Variants in ECT2 observed in about 807,000 individuals in gnomAD.
ECT2 encodes the protein epithelial cell transforming 2.
A neutral mutation model predicts 116.9 loss-of-function variants in ECT2; 61 were observed. That is an observed-to-expected ratio of 0.52 (90% CI 0.42 to 0.65). ECT2 has a LOEUF of 0.65. Among genes scored for constraint, ECT2 ranks in the 30% least tolerant of loss-of-function variants. ECT2 has a pLI of 0.00. For synonymous variants in ECT2, 358 were observed against 346.4 expected, an observed-to-expected ratio of 1.03 and a Z score of -0.37; for missense variants, 937 against 1,078.7, an observed-to-expected ratio of 0.87 and a Z score of 1.84.
At chr3:172,825,809 A>G (rs76640565), downstream of ECT2, among the ~76,000 whole-genome samples, 9,660 of 152,310 alleles carry the variant, frequency 0.063, 1,035 homozygotes, top group African/African-American at 0.22. Context: ...AGAGCTGGCT[A>G]AGATAACTGA....
chr3:172,828,889 A>G, the ECT2 span: 1 of 1,409,932 alleles, frequency 7.1e-7, no homozygotes. Context: ...TGGCATAGCC[A>G]ATGATCAAGC....
chr3:172,817,070 A>G (rs1046727346), intron 24 of ECT2, among the ~76,000 whole-genome samples: 3 of 152,024 alleles, frequency 2.0e-5, no homozygotes, highest in African/African-American at 7.2e-5. Flanking sequence ...TGCACCTTAT[A>G]CTTACAAAGC....
intron 14 of ECT2, among the ~76,000 whole-genome samples, chr3:172,779,420 T>G (rs906861866): frequency 2.0e-5 from 3 of 152,240 alleles, no homozygotes; most frequent in African/African-American, 7.2e-5. Context: ...TTTTGAACTT[T>G]ACTGTAATTC....
chr3:172,814,894 G>C (rs992253222), intron 22 of ECT2, among the ~76,000 whole-genome samples: 8 of 152,114 alleles, frequency 5.3e-5, no homozygotes, highest in Non-Finnish European at 1.0e-4. Flanking sequence ...TAGAACAACA[G>C]AACTTATTTC....
intron 18 of ECT2, among the ~76,000 whole-genome samples, chr3:172,794,438 A>G (rs1048102102): frequency 4.0e-5 from 6 of 151,662 alleles, no homozygotes; most frequent in Admixed American, 6.6e-5. Flanking sequence ...TTTACTTTCA[A>G]TTCTGCTTCA....
At chr3:172,766,343 A>G (rs895103619) in intron 12 of ECT2, among the ~76,000 whole-genome samples, 3 of 152,250 alleles carry the variant, frequency 2.0e-5, no homozygotes, top group African/African-American at 7.2e-5. Flanking sequence ...ACTTTCAAAT[A>G]AGACTGTAAT....
downstream of ECT2, among the ~76,000 whole-genome samples, chr3:172,823,746 G>T (rs7630016): frequency 0.58 from 88,453 of 151,910 alleles, 26,465 homozygotes; most frequent in East Asian, 0.86. Flanking sequence ...AAAAATACAT[G>T]ATTGCTTACA....
At chr3:172,774,939 A>G (rs1473751129) in intron 14 of ECT2, among the ~76,000 whole-genome samples, 4 of 152,016 alleles carry the variant, frequency 2.6e-5, no homozygotes, top group Admixed American at 6.6e-5. Context: ...TGGGGTGTAT[A>G]TTTTTGTTTT....
At chr3:172,786,701 T>G (rs1385704979) in intron 18 of ECT2, 127 bp downstream of exon 18, 3 of 621,224 alleles carry the variant, frequency 4.8e-6, no homozygotes, top group Non-Finnish European at 8.6e-6. Context: ...ATTTTTCTAA[T>G]AGTGTAGTTA....
intron 13 of ECT2, among the ~76,000 whole-genome samples, chr3:172,771,914 T>G (rs950973584): frequency 1.4e-4 from 21 of 152,360 alleles, no homozygotes; most frequent in African/African-American, 4.8e-4. Context: ...ATTTGACATC[T>G]GTATATCTTT....
At chr3:172,805,630 G>A in intron 20 of ECT2, 101 bp from the exon 21 acceptor site, 1 of 1,159,138 alleles carries the variant, frequency 8.6e-7, no homozygotes, top group South Asian at 1.6e-5. Context: ...AACTAAATAA[G>A]TTATATATAG....
intron 22 of ECT2, among the ~76,000 whole-genome samples, chr3:172,812,900 G>T (rs1350132873): frequency 6.6e-6 from 1 of 152,098 alleles, no homozygotes; most frequent in Non-Finnish European, 1.5e-5. Flanking sequence ...GGATACAACT[G>T]AGCTTATCCA....
In ECT2 at chr3:172,764,342, G is replaced by T. The variant is rs542101248; in HGVS notation, c.1133G>T (p.Arg378Leu). The T allele has an allele frequency of 5.0e-6, 8 of 1,614,018 alleles. No homozygotes were observed. The highest frequency in any genetic ancestry group is 6.8e-6 in the Non-Finnish European group (8 of 1,179,968). Residue 378 changes from arginine to leucine, a missense_variant, in exon 12 of 25, where the codon CGC becomes CTC. Coordinates refer to ENST00000392692, the MANE Select transcript of ECT2 (RefSeq NM_001258315.2). ...MLSLNTPNSNRKRRRLKETLA... is the reference protein window; with the variant it reads ...MLSLNTPNSNLKRRRLKETLA... ...TCTCTAAATACCCCTAACAGCAATC[G>T]CAAACGACGTCGTTTAAAAGAAACA...
At chr3:172,751,074 G>T (rs932246183) in intron 1 of ECT2, 8 of 152,296 alleles carry the variant, frequency 5.3e-5, no homozygotes, top group Admixed American at 1.3e-4. Flanking sequence ...AGTATTGCTG[G>T]GCATCTTCGC....
At chr3:172,773,817 A>G (rs1721129553) in intron 13 of ECT2, 86 bp from the exon 14 acceptor site, 2 of 1,326,484 alleles carry the variant, frequency 1.5e-6, no homozygotes, top group Non-Finnish European at 2.1e-6. Context: ...CTCTATTAAT[A>G]TCTTGTGTCT....
chr3:172,811,668 C>T (rs1374523984), intron 22 of ECT2, among the ~76,000 whole-genome samples: 1 of 152,028 alleles, frequency 6.6e-6, no homozygotes, highest in African/African-American at 2.4e-5. Context: ...ATTTCAGGGG[C>T]CTTCATTAAA....
intron 5 of ECT2, among the ~76,000 whole-genome samples, chr3:172,758,080 G>A (rs915799617): frequency 3.3e-5 from 5 of 151,946 alleles, no homozygotes; most frequent in African/African-American, 9.7e-5. Flanking sequence ...GGCTGGTCTC[G>A]AACTCTTGAC....
intron 14 of ECT2, among the ~76,000 whole-genome samples, chr3:172,779,316 A>G (rs1229111297): frequency 6.6e-6 from 1 of 152,168 alleles, no homozygotes; most frequent in Non-Finnish European, 1.5e-5. Flanking sequence ...GCATTTCTGA[A>G]CAGTTCAATC....
At chr3:172,795,430 T>C (rs1576983923) in intron 18 of ECT2, among the ~76,000 whole-genome samples, 2 of 152,296 alleles carry the variant, frequency 1.3e-5, no homozygotes, top group Non-Finnish European at 1.5e-5. Flanking sequence ...TTTAAAGTCA[T>C]GGAGCTTTAA....
Sources: gnomAD v4.1 joint callset for allele counts (sites outside exome capture counted in the v4.1 genomes callset) on GRCh38, gnomAD v4.1.1 for gene constraint, MANE v1.5 for transcripts, NCBI Gene and HGNC (gene_info 2026-07-23, HGNC 2026-07-21) for gene names.